The following SYT14 variants were observed in gnomAD, a reference collection of about 807,000 sequenced individuals.
The protein encoded by SYT14 is synaptotagmin-14.
Under a neutral mutation model 74.2 loss-of-function variants are expected in SYT14, and 32 were observed. That is an observed-to-expected ratio of 0.43 (90% CI 0.33 to 0.58). The LOEUF (loss-of-function observed/expected upper bound fraction) is 0.58. Ranked by LOEUF, SYT14 falls within the 20% of genes least tolerant of loss-of-function variation. SYT14 has a pLI of 0.05. For synonymous variants in SYT14, 298 were observed against 337.7 expected (o/e 0.88, Z 1.29); for missense variants, 791 against 981.8 (o/e 0.81, Z 2.60).
intron 5 of SYT14, among the ~76,000 whole-genome samples, chr1:210,028,620 T>C (rs2080464476): frequency 6.6e-6 from 1 of 152,214 alleles, no homozygotes; most frequent in Non-Finnish European, 1.5e-5. Flanking sequence ...TTTTTAAAGC[T>C]GAATAATACT....
At chr1:210,162,715 G>A (rs971127523) in exon 10 of SYT14, 11 of 449,748 alleles carry the variant, frequency 2.4e-5, no homozygotes, top group African/African-American at 2.2e-4. Context: ...CTTCAGCTTG[G>A]CTGTACTGAA....
intron 7 of SYT14, among the ~76,000 whole-genome samples, chr1:210,121,105 C>A (rs1429141492): frequency 2.0e-5 from 3 of 152,100 alleles, no homozygotes; most frequent in Non-Finnish European, 4.4e-5. Flanking sequence ...CCTCTCTGTG[C>A]CTCATTTTCT....
chr1:210,124,162 C>CATAT (rs1212495913), intron 7 of SYT14, among the ~76,000 whole-genome samples: 1 of 151,178 alleles, frequency 6.6e-6, no homozygotes, highest in Non-Finnish European at 1.5e-5. Flanking sequence ...TGACAGAGAT[C>CATAT]ATATGCTCAT....
At chr1:210,113,559 T>C (rs2082304210) in intron 7 of SYT14, among the ~76,000 whole-genome samples, 1 of 150,968 alleles carries the variant, frequency 6.6e-6, no homozygotes, top group Non-Finnish European at 1.5e-5. Context: ...GGATGGGATA[T>C]TGGTGTTGAG....
At chr1:210,061,371 C>G (rs1331972367) in intron 5 of SYT14, among the ~76,000 whole-genome samples, 1 of 151,866 alleles carries the variant, frequency 6.6e-6, no homozygotes, top group Admixed American at 6.6e-5. Context: ...TTATTCTTGC[C>G]TATGCGAATT....
rs151069054 is a variant in SYT14, at chr1:210,054,807, G to T, written c.1312+33553G>T. On this transcript the variant is annotated intron_variant, in intron 5 of 9. Coordinates refer to ENST00000637265, the Ensembl canonical transcript of SYT14. ...TATACTGCTTGGCTGCAGCACTCTT[G>T]GAACTGAGTAATAAAAGGTAGCTGA... 9.4e-3 allele frequency among the ~76,000 whole-genome samples: 1,436 copies of T among 152,240 alleles called. 19 individuals carry two copies. The highest frequency in any genetic ancestry group is 0.012 in the Non-Finnish European group (849 of 68,022).
At chr1:210,083,063 C>T (rs1387713735) in intron 5 of SYT14, among the ~76,000 whole-genome samples, 1 of 152,026 alleles carries the variant, frequency 6.6e-6, no homozygotes, top group African/African-American at 2.4e-5. Context: ...TGATTGCAAC[C>T]TCCACCTCCC....
At chr1:210,165,146 TAAGTAGTAGA>T (rs2083442378) in exon 10 of SYT14, 1 of 152,096 alleles carries the variant, frequency 6.6e-6, no homozygotes, top group Non-Finnish European at 1.5e-5. Context: ...ATTCGGTAAG[TAAGTAGTAGA>T]ACTGGGATTG....
chr1:210,095,103 T>G (rs2081946909), intron 6 of SYT14, among the ~76,000 whole-genome samples: 1 of 152,178 alleles, frequency 6.6e-6, no homozygotes, highest in East Asian at 1.9e-4. Context: ...AGCTTTAAGT[T>G]TACTTACTGT....
intron 2 of SYT14, among the ~76,000 whole-genome samples, chr1:209,963,374 T>C (rs1452073453): frequency 2.0e-5 from 3 of 152,178 alleles, no homozygotes; most frequent in Non-Finnish European, 4.4e-5. Context: ...GATTTCTCTC[T>C]CCTAAGGTCT....
intron 5 of SYT14, among the ~76,000 whole-genome samples, chr1:210,042,157 A>T (rs988832392): frequency 6.6e-6 from 1 of 152,140 alleles, no homozygotes; most frequent in African/African-American, 2.4e-5. Flanking sequence ...GTCCTCCTGC[A>T]TGGACAGGGA....
chr1:210,033,512 G>A (rs1198312105), intron 5 of SYT14, among the ~76,000 whole-genome samples: 1 of 151,718 alleles, frequency 6.6e-6, no homozygotes, highest in African/African-American at 2.4e-5. Flanking sequence ...AAATTACCTT[G>A]AGAATATGAG....
At chr1:210,050,877 C>A (rs973381636) in intron 5 of SYT14, among the ~76,000 whole-genome samples, 1 of 152,182 alleles carries the variant, frequency 6.6e-6, no homozygotes, top group Non-Finnish European at 1.5e-5. Context: ...AGTTACCATT[C>A]AAGATGAGAT....
chr1:210,120,427 A>G (rs983026007), intron 7 of SYT14, among the ~76,000 whole-genome samples: 2 of 150,790 alleles, frequency 1.3e-5, no homozygotes. Context: ...TGGCACAATC[A>G]AGATTCACTG....
intron 5 of SYT14, among the ~76,000 whole-genome samples, chr1:210,049,927 T>G (rs1319568670): frequency 6.6e-6 from 1 of 152,214 alleles, no homozygotes; most frequent in Non-Finnish European, 1.5e-5. Context: ...CTTGGCCTTC[T>G]GGACTGTGAT....
intron 5 of SYT14, among the ~76,000 whole-genome samples, chr1:210,069,296 T>C (rs1257229134): frequency 6.6e-6 from 1 of 152,004 alleles, no homozygotes; most frequent in African/African-American, 2.4e-5. Context: ...TAGTTGAGCT[T>C]ATTGAGTTCA....
chr1:210,032,010 A>T (rs2080547591), intron 5 of SYT14, among the ~76,000 whole-genome samples: 1 of 152,162 alleles, frequency 6.6e-6, no homozygotes, highest in Non-Finnish European at 1.5e-5. Flanking sequence ...CTAGCAGAGA[A>T]TGACTATGCC....
At chr1:209,968,249 T>C (rs1293683351) in intron 2 of SYT14, among the ~76,000 whole-genome samples, 1 of 152,166 alleles carries the variant, frequency 6.6e-6, no homozygotes, top group Non-Finnish European at 1.5e-5. Flanking sequence ...TATACTGACA[T>C]ATCACTATTG....
chr1:210,005,749 A>T (rs1230223343), intron 2 of SYT14, among the ~76,000 whole-genome samples: 1 of 151,952 alleles, frequency 6.6e-6, no homozygotes, highest in Non-Finnish European at 1.5e-5. Context: ...TCTGCCAGAG[A>T]TTGATAGAGT....
Sources: allele counts gnomAD v4.1 joint callset (sites outside exome capture counted in the v4.1 genomes callset), GRCh38; gene constraint gnomAD v4.1.1; transcripts MANE v1.5; gene names NCBI Gene and HGNC (gene_info 2026-07-23, HGNC 2026-07-21).